The following RAB27B variants were observed in gnomAD, a reference collection of about 807,000 sequenced individuals.
RAB27B encodes the protein ras-related protein Rab-27B.
A neutral mutation model predicts 24.6 loss-of-function variants in RAB27B; 15 were observed. The observed-to-expected ratio is 0.61, with a 90% confidence interval of 0.41 to 0.94. The LOEUF (loss-of-function observed/expected upper bound fraction) is 0.94. RAB27B is among the 40% of genes least tolerant of loss of function. The pLI is 0.00. For missense variants in RAB27B, 261 were observed against 266.8 expected (o/e 0.98, Z 0.15); for synonymous variants, 105 against 92.5 (o/e 1.14, Z -0.78).
At chr18:54,752,219 T>A (rs1907855623) in intron 2 of RAB27B, among the ~76,000 whole-genome samples, 1 of 152,204 alleles carries the variant, frequency 6.6e-6, no homozygotes, top group South Asian at 2.1e-4. Flanking sequence ...TTTCTATATA[T>A]GGGCACTAAC....
At chr18:54,850,333 G>GAGATATATATATATATATAT (rs869079784) in intron 1 of RAB27B, among the ~76,000 whole-genome samples, 4 of 95,152 alleles carry the variant, frequency 4.2e-5, no homozygotes, top group African/African-American at 1.9e-4. Context: ...AAACAAACAG[G>GAGATATATATATATATATAT]ATATATATAT....
At position 54,879,428 on chromosome 18, in the gene RAB27B, G is replaced by C; in HGVS notation, c.213G>C (p.Gln71His). Residue 71 changes from glutamine (Q) to histidine (H), a missense_variant, in exon 3 of 6, where the codon CAG becomes CAC. Coordinates refer to ENST00000262094, the MANE Select transcript of RAB27B (RefSeq NM_004163.4). ...GGAAAGCATTTAAAGTGCATCTTCA[G>C]CTTTGGGACACTGCGGGACAAGAGC... Reference protein sequence around the residue: ...SSGKAFKVHLQLWDTAGQERF... With the variant: ...SSGKAFKVHLHLWDTAGQERF... 3.1e-6 allele frequency: 5 copies of C among 1,612,908 alleles called. No homozygotes were observed. The highest frequency in any genetic ancestry group is 4.2e-6 in the Non-Finnish European group (5 of 1,178,988).
rs529722142 is a variant in RAB27B, at chr18:54,879,388, C to A, written c.173C>A (p.Pro58Gln). The stretch of plus-strand genomic sequence containing the variant: ...TTTCAGGTTTATAATGCACAAGGAC[C>A]GAATGGATCTTCAGGGAAAGCATTT... ...EKRVVYNAQG[P>Q]NGSSGKAFKV... The change falls in exon 3 of 6, where the codon CCG becomes CAG. Residue 58 changes from proline to glutamine, a missense_variant. Physicochemically the swap from Pro to Gln is moderately conservative, Grantham distance 76 (BLOSUM62 -1). Transcript: ENST00000262094. 1 of 1,612,394 alleles carries A rather than the reference C, an allele frequency of 6.2e-7. No homozygotes were observed. The highest frequency in any genetic ancestry group is 8.5e-7 in the Non-Finnish European group (1 of 1,178,616).
At chr18:54,765,080 A>C (rs1176985555) in intron 2 of RAB27B, among the ~76,000 whole-genome samples, 1 of 146,646 alleles carries the variant, frequency 6.8e-6, no homozygotes, top group Non-Finnish European at 1.5e-5. Flanking sequence ...AAAACAAAAC[A>C]AAAAAAAACA....
At chr18:54,723,864 G>A (rs9957713) in intron 2 of RAB27B, among the ~76,000 whole-genome samples, 68,923 of 151,990 alleles carry the variant, frequency 0.45, 17,371 homozygotes, top group Middle Eastern at 0.58. Context: ...GTGTCACTAC[G>A]AATTAATCTA....
intron 1 of RAB27B, among the ~76,000 whole-genome samples, chr18:54,855,059 G>A (rs761743355): frequency 6.6e-5 from 10 of 152,188 alleles, no homozygotes; most frequent in East Asian, 3.9e-4. Context: ...TTGTTTTCCC[G>A]CAACTGGACT....
At chr18:54,757,827 TA>T (rs1374465590) in intron 2 of RAB27B, among the ~76,000 whole-genome samples, 1 of 152,010 alleles carries the variant, frequency 6.6e-6, no homozygotes, top group African/African-American at 2.4e-5. Context: ...TAATTAATTA[TA>T]AATACAAAAT....
chr18:54,887,879 C>T, intron 4 of RAB27B, 116 bp from the exon 5 acceptor site: 1 of 1,271,958 alleles, frequency 7.9e-7, no homozygotes, highest in Non-Finnish European at 1.1e-6. Flanking sequence ...GCCAATATAA[C>T]TAGTAAGCAA....
chr18:54,805,056 A>C (rs1909748436), intron 2 of RAB27B, among the ~76,000 whole-genome samples: 1 of 149,916 alleles, frequency 6.7e-6, no homozygotes, highest in African/African-American at 2.5e-5. Context: ...GATGTGCCCA[A>C]GCTGACAGGG....
chr18:54,834,183 A>G (rs1910803123), intron 1 of RAB27B, among the ~76,000 whole-genome samples: 1 of 152,266 alleles, frequency 6.6e-6, no homozygotes, highest in Non-Finnish European at 1.5e-5. Flanking sequence ...AGTAGCTGCC[A>G]TATAAAGCAA....
chr18:54,744,164 G>T (rs970223799), intron 2 of RAB27B, among the ~76,000 whole-genome samples: 1 of 152,112 alleles, frequency 6.6e-6, no homozygotes, highest in Non-Finnish European at 1.5e-5. Flanking sequence ...ATGGCTACTT[G>T]TATATCTCCT....
chr18:54,893,154 C>T lies in RAB27B; in HGVS notation c.*3741C>T, dbSNP rs1285884158. 6.6e-6 allele frequency: 1 copy of T among 152,004 alleles called. No individual in the cohort carries two copies. Among genetic ancestry groups the T allele is most frequent in the Non-Finnish European group, 1.5e-5 (1 of 67,934 alleles). 9.4% of individuals were successfully genotyped at this position (152,004 alleles called of 1,614,324 possible). A position where few individuals can be genotyped will look rare whatever the true frequency, so the allele number is the denominator to read the frequency against. On this transcript the variant is annotated 3_prime_UTR_variant, in exon 6 of 6. Coordinates refer to ENST00000262094, the MANE Select transcript of RAB27B (RefSeq NM_004163.4). Reference sequence around the variant, plus strand: ...CCTTGTGTTCATGAAACAGGTTGTTCATTGTTCTGCATCTCTCTTCATTTA... The same window carrying T: ...CCTTGTGTTCATGAAACAGGTTGTTTATTGTTCTGCATCTCTCTTCATTTA...
chr18:54,773,907 T>G (rs937069387), intron 2 of RAB27B, among the ~76,000 whole-genome samples: 1 of 152,152 alleles, frequency 6.6e-6, no homozygotes, highest in Non-Finnish European at 1.5e-5. Context: ...CTTGGACTCC[T>G]GACCTCATGA....
chr18:54,789,071 A>G (rs1909174887), intron 2 of RAB27B, among the ~76,000 whole-genome samples: 1 of 152,234 alleles, frequency 6.6e-6, no homozygotes, highest in African/African-American at 2.4e-5. Context: ...CTGCCAATAA[A>G]GGGAATTTTA....
chr18:54,747,687 A>G (rs1384396214), intron 2 of RAB27B, among the ~76,000 whole-genome samples: 1 of 152,214 alleles, frequency 6.6e-6, no homozygotes, highest in Non-Finnish European at 1.5e-5. Flanking sequence ...TTGCCTACCA[A>G]ATAATTATGA....
At chr18:54,881,464 C>A (rs1433357622) in intron 3 of RAB27B, among the ~76,000 whole-genome samples, 1 of 152,120 alleles carries the variant, frequency 6.6e-6, no homozygotes, top group East Asian at 1.9e-4. Flanking sequence ...TTAGCAAGCT[C>A]ATTCTGTACA....
intron 2 of RAB27B, among the ~76,000 whole-genome samples, chr18:54,733,660 C>CG (rs1555651352): frequency 7.2e-6 from 1 of 139,286 alleles, no homozygotes; most frequent in Non-Finnish European, 1.6e-5. Flanking sequence ...GCCCCCCCCC[C>CG]CCAAATTTGC....
chr18:54,752,655 G>A (rs545936667), intron 2 of RAB27B, among the ~76,000 whole-genome samples: 1 of 152,162 alleles, frequency 6.6e-6, no homozygotes, highest in African/African-American at 2.4e-5. Context: ...GTGGAAGGTA[G>A]GCAATTGACT....
chr18:54,866,279 G>A (rs1248728777), intron 1 of RAB27B, among the ~76,000 whole-genome samples: 2 of 132,588 alleles, frequency 1.5e-5, no homozygotes, highest in Non-Finnish European at 1.6e-5. Flanking sequence ...CCGCCTCCCC[G>A]CCTCCCCGCC....
Sources: gnomAD v4.1 joint callset for allele counts (sites outside exome capture counted in the v4.1 genomes callset) on GRCh38, gnomAD v4.1.1 for gene constraint, MANE v1.5 for transcripts, NCBI Gene and HGNC (gene_info 2026-07-23, HGNC 2026-07-21) for gene names.